The following ABCB1 variants were observed in gnomAD, a reference collection of about 807,000 sequenced individuals.
The protein encoded by ABCB1 is ATP-dependent translocase ABCB1.
A neutral mutation model predicts 142.0 loss-of-function variants in ABCB1; 69 were observed. That is an observed-to-expected ratio of 0.49 (90% CI 0.40 to 0.59). The LOEUF is 0.59. Ranked by LOEUF, ABCB1 falls within the 20% of genes least tolerant of loss-of-function variation. ABCB1 has a pLI of 0.00. For synonymous variants in ABCB1, 532 were observed against 539.2 expected (o/e 0.99, Z 0.18); for missense variants, 1,326 against 1,554.7 (o/e 0.85, Z 2.47).
At chr7:87,553,307 T>C (rs1817161293) in intron 9 of ABCB1, among the ~76,000 whole-genome samples, 1 of 151,054 alleles carries the variant, frequency 6.6e-6, no homozygotes, top group Non-Finnish European at 1.5e-5. Flanking sequence ...ATGCATCTAA[T>C]TTTTTTCCAC....
intron 13 of ABCB1, 91 bp downstream of exon 13, chr7:87,549,760 C>A: frequency 6.8e-7 from 1 of 1,479,516 alleles, no homozygotes; most frequent in Non-Finnish European, 9.4e-7. Context: ...TTCCCTTCTT[C>A]CGATTTATAG....
intron 1 of ABCB1, among the ~76,000 whole-genome samples, chr7:87,666,175 G>A (rs1254703059): frequency 6.6e-6 from 1 of 152,092 alleles, no homozygotes; most frequent in Middle Eastern, 3.2e-3. Flanking sequence ...TTTAGTAATA[G>A]CCATTCTGAC....
At chr7:87,524,107 C>T (rs1815667751) in intron 21 of ABCB1, among the ~76,000 whole-genome samples, 1 of 151,832 alleles carries the variant, frequency 6.6e-6, no homozygotes, top group Non-Finnish European at 1.5e-5. Context: ...TAACAGCAAG[C>T]ATTTCATAAG....
chr7:87,691,489 A>G (rs1563137333), intron 1 of ABCB1, among the ~76,000 whole-genome samples: 1 of 152,144 alleles, frequency 6.6e-6, no homozygotes, highest in Non-Finnish European at 1.5e-5. Flanking sequence ...TCTAAGCTAC[A>G]TAGTGTTAAA....
At chr7:87,613,266 T>C (rs1287575696) in intron 1 of ABCB1, among the ~76,000 whole-genome samples, 3 of 144,088 alleles carry the variant, frequency 2.1e-5, no homozygotes, top group Non-Finnish European at 4.6e-5. Flanking sequence ...TCTTTTTTTT[T>C]TTTTTTTTTT....
intron 1 of ABCB1, among the ~76,000 whole-genome samples, chr7:87,668,318 G>A (rs1244501230): frequency 1.3e-5 from 2 of 151,902 alleles, no homozygotes; most frequent in African/African-American, 4.8e-5. Flanking sequence ...TGTTTCTGTG[G>A]GGTCAGTAGT....
intron 1 of ABCB1, among the ~76,000 whole-genome samples, chr7:87,637,653 A>T (rs1821920580): frequency 6.6e-6 from 1 of 152,036 alleles, no homozygotes; most frequent in Non-Finnish European, 1.5e-5. Context: ...TTATTCTTGC[A>T]TATTTGATAT....
At position 87,516,922 on chromosome 7, in the gene ABCB1, G is replaced by A. The variant is rs189651413; in HGVS notation, c.2928-257C>T. Among the ~76,000 whole-genome samples the A allele has an allele frequency of 4.3e-3, 645 of 151,618 alleles. 9 individuals are homozygous for A. The highest frequency in any genetic ancestry group is 5.5e-3 in the Non-Finnish European group (373 of 67,890). ...AGCTAATTGTTTTATTTTTTGTAGA[G>A]ATGGGGGTCTCCCTATATTGCCCAG... is the stretch of plus-strand genomic sequence containing the variant. On this transcript the variant is annotated intron_variant, in intron 23 of 27. Coordinates refer to ENST00000622132, the MANE Select transcript of ABCB1 (RefSeq NM_001348946.2).
intron 21 of ABCB1, among the ~76,000 whole-genome samples, chr7:87,523,660 A>C (rs1285707217): frequency 6.6e-6 from 1 of 152,192 alleles, no homozygotes; most frequent in Non-Finnish European, 1.5e-5. Context: ...GTTGTAATCA[A>C]ATGTTACTTC....
rs28401805 is a variant in ABCB1 at position 87,509,742 on chromosome 7, G to A, written c.3283-261C>T. On this transcript the variant is annotated intron_variant, in intron 25 of 27. Transcript: ENST00000622132. ...CAGAATAATGTTCCCTCTCCCACAA[G>A]ACATCTGTGTCCTAATCCCTGGATC... 1.3e-3 allele frequency among the ~76,000 whole-genome samples: 205 copies of A among 152,298 alleles called. 2 individuals are homozygous for A. Among genetic ancestry groups the A allele is most frequent in the African/African-American group, 4.8e-3 (200 of 41,564 alleles).
At chr7:87,574,254 G>A (rs549091010) in intron 4 of ABCB1, among the ~76,000 whole-genome samples, 3 of 151,410 alleles carry the variant, frequency 2.0e-5, no homozygotes, top group East Asian at 3.9e-4. Context: ...AGAGGAGGAC[G>A]AGAGAGCTTG....
intron 1 of ABCB1, among the ~76,000 whole-genome samples, chr7:87,606,454 G>T (rs1819656212): frequency 6.6e-6 from 1 of 152,020 alleles, no homozygotes; most frequent in African/African-American, 2.4e-5. Context: ...AAAAATATCA[G>T]CCAAAGGTAT....
chr7:87,657,523 G>A (rs1824229784), intron 1 of ABCB1, among the ~76,000 whole-genome samples: 1 of 152,152 alleles, frequency 6.6e-6, no homozygotes, highest in Non-Finnish European at 1.5e-5. Flanking sequence ...TATCAGAGAA[G>A]GCCAGAGAGA....
chr7:87,538,968 G>A (rs888123610), intron 19 of ABCB1, among the ~76,000 whole-genome samples: 1 of 152,150 alleles, frequency 6.6e-6, no homozygotes, highest in African/African-American at 2.4e-5. Context: ...GGGATGAGGG[G>A]TATCAAAGAT....
intron 1 of ABCB1, among the ~76,000 whole-genome samples, chr7:87,686,791 A>G (rs1239987477): frequency 6.6e-6 from 1 of 151,502 alleles, no homozygotes; most frequent in Non-Finnish European, 1.5e-5. Context: ...AAAAAAAAAA[A>G]AGAATTAACT....
chr7:87,696,069 A>G (rs1456684824), intron 1 of ABCB1, among the ~76,000 whole-genome samples: 1 of 152,138 alleles, frequency 6.6e-6, no homozygotes, highest in East Asian at 1.9e-4. Context: ...TGGGATGGGA[A>G]TATGTTTTTA....
chr7:87,566,596 C>T (rs1365376201), intron 6 of ABCB1, among the ~76,000 whole-genome samples, 189 bp downstream of exon 6: 2 of 152,088 alleles, frequency 1.3e-5, no homozygotes, highest in African/African-American at 4.8e-5. Context: ...TCATGCAGGT[C>T]CCCCCATACC....
At chr7:87,663,166 T>A (rs1824883760) in intron 1 of ABCB1, among the ~76,000 whole-genome samples, 1 of 152,180 alleles carries the variant, frequency 6.6e-6, no homozygotes, top group African/African-American at 2.4e-5. Flanking sequence ...ATCCAAAATA[T>A]AAGATCATAT....
At chr7:87,559,733 C>G (rs28381869) in intron 8 of ABCB1, among the ~76,000 whole-genome samples, 19,195 of 152,106 alleles carry the variant, frequency 0.13, 1,867 homozygotes, top group African/African-American at 0.27. Context: ...TTGTTTCCTA[C>G]TTCACAGAGT....
Sources: allele counts gnomAD v4.1 joint callset (sites outside exome capture counted in the v4.1 genomes callset), GRCh38; gene constraint gnomAD v4.1.1; transcripts MANE v1.5; gene names NCBI Gene and HGNC (gene_info 2026-07-23, HGNC 2026-07-21).